Variants in TCF7L1 observed in about 807,000 individuals in gnomAD.
TCF7L1 encodes the protein transcription factor 7-like 1.
A neutral mutation model predicts 63.7 loss-of-function variants in TCF7L1; 18 were observed. The observed-to-expected ratio is 0.28, with a 90% CI of 0.20 to 0.42. TCF7L1 has a LOEUF of 0.42. Ranked by LOEUF, TCF7L1 falls within the 10% of genes least tolerant of loss-of-function variation. The pLI is 1.00. For synonymous variants in TCF7L1, 355 were observed against 340.9 expected, an observed-to-expected ratio of 1.04 and a Z score of -0.46; for missense variants, 654 against 779.3, an observed-to-expected ratio of 0.84 and a Z score of 1.91.
chr2:85,140,597 G>T (rs1029247732), intron 3 of TCF7L1, among the ~76,000 whole-genome samples: 2 of 131,166 alleles, frequency 1.5e-5, no homozygotes, highest in Non-Finnish European at 3.2e-5. Flanking sequence ...TCAGGAGTTC[G>T]AGATCAGCCT....
Position 85,306,017 on chromosome 2 carries a change from T to C in TCF7L1, c.990-189T>C, listed in dbSNP as rs1682099904. Among the ~76,000 whole-genome samples the C allele has an allele frequency of 6.6e-6, 1 of 152,082 alleles. No homozygotes were observed. Among genetic ancestry groups the C allele is most frequent in the African/African-American group, 2.4e-5 (1 of 41,398 alleles). On this transcript the variant is annotated intron_variant, in intron 8 of 11. Coordinates refer to ENST00000282111, the MANE Select transcript of TCF7L1 (RefSeq NM_031283.3). The surrounding 1 kb of genome is among the most constrained non-coding windows in gnomAD (Gnocchi z 4.3). ...ATTTTCAAAGAATCTGGCGTGGAGA[T>C]CGTTCAAAGGTGGGAAACTACGGGA...
At chr2:85,270,125 C>A (rs1681114886) in intron 3 of TCF7L1, among the ~76,000 whole-genome samples, 1 of 152,212 alleles carries the variant, frequency 6.6e-6, no homozygotes, top group African/African-American at 2.4e-5. Context: ...CAGCTCCAGG[C>A]TGCCTGGCTG....
At chr2:85,177,386 G>A (rs1231557428) in intron 3 of TCF7L1, among the ~76,000 whole-genome samples, 2 of 152,174 alleles carry the variant, frequency 1.3e-5, no homozygotes, top group Non-Finnish European at 2.9e-5. Context: ...AAAATTTTAA[G>A]TATAAAGTCA....
chr2:85,163,770 C>T (rs1220264124), intron 3 of TCF7L1, among the ~76,000 whole-genome samples: 1 of 151,980 alleles, frequency 6.6e-6, no homozygotes, highest in Non-Finnish European at 1.5e-5. Flanking sequence ...CTCTCCTTGG[C>T]TTGTAGGGGG....
Position 85,134,728 on chromosome 2 carries a change from C to T in TCF7L1, c.441+278C>T, listed in dbSNP as rs182158829. Among the ~76,000 whole-genome samples the T allele has an allele frequency of 6.6e-6, 1 of 152,324 alleles. No individual in the cohort carries two copies. Among genetic ancestry groups the T allele is most frequent in the East Asian group, 1.9e-4 (1 of 5,174 alleles). ...GGCCTCCAGAATTCTTCGCCTGCACCGAAGGAAACTTGGATTTGTGCCCGC... is the reference window on the plus strand; with the variant it reads ...GGCCTCCAGAATTCTTCGCCTGCACTGAAGGAAACTTGGATTTGTGCCCGC... On this transcript the variant is annotated intron_variant, in intron 3 of 11. Coordinates refer to ENST00000282111, the MANE Select transcript of TCF7L1 (RefSeq NM_031283.3). This position sits in a 1 kb window ranked among gnomAD's most constrained non-coding sequence, Gnocchi z 5.0.
chr2:85,235,913 A>T (rs1476695139), intron 3 of TCF7L1, among the ~76,000 whole-genome samples: 1 of 152,144 alleles, frequency 6.6e-6, no homozygotes, highest in Non-Finnish European at 1.5e-5. Context: ...TAATCCCAGC[A>T]CTTTGAGAGG....
chr2:85,202,719 G>T (rs1282609808), intron 3 of TCF7L1, among the ~76,000 whole-genome samples: 1 of 152,162 alleles, frequency 6.6e-6, no homozygotes, highest in Non-Finnish European at 1.5e-5. Flanking sequence ...CAGGCCACGG[G>T]GCTTGGGAGC....
At chr2:85,209,084 G>A (rs761074898) in intron 3 of TCF7L1, among the ~76,000 whole-genome samples, 10 of 152,310 alleles carry the variant, frequency 6.6e-5, no homozygotes, top group Non-Finnish European at 1.5e-4. Flanking sequence ...TGGGACAGAC[G>A]AATGTTACAT....
At chr2:85,284,185 T>C (rs933940411) in intron 4 of TCF7L1, among the ~76,000 whole-genome samples, 29 of 152,098 alleles carry the variant, frequency 1.9e-4, no homozygotes, top group African/African-American at 6.8e-4. Flanking sequence ...TAATTTTTGG[T>C]ATTTTTAGTA....
chr2:85,215,933 C>T (rs945312315), intron 3 of TCF7L1, among the ~76,000 whole-genome samples: 2 of 152,144 alleles, frequency 1.3e-5, no homozygotes, highest in East Asian at 1.9e-4. Context: ...ATCCGATACT[C>T]ATAACAGAAA....
At chr2:85,291,039 C>A (rs1299241818) in intron 4 of TCF7L1, among the ~76,000 whole-genome samples, 1 of 152,222 alleles carries the variant, frequency 6.6e-6, no homozygotes, top group Non-Finnish European at 1.5e-5. Flanking sequence ...AGAAGTCTGA[C>A]AGCCTTCCTT....
At chr2:85,252,811 A>T (rs1254473317) in intron 3 of TCF7L1, among the ~76,000 whole-genome samples, 2 of 152,210 alleles carry the variant, frequency 1.3e-5, no homozygotes, top group African/African-American at 4.8e-5. Context: ...TCTGAGCATT[A>T]GTCCTCCCTT....
chr2:85,180,863 A>G (rs1678790118), intron 3 of TCF7L1, among the ~76,000 whole-genome samples: 1 of 152,210 alleles, frequency 6.6e-6, no homozygotes, highest in East Asian at 1.9e-4. Flanking sequence ...CGAGCATCTC[A>G]CAGCCAGCAA....
intron 3 of TCF7L1, among the ~76,000 whole-genome samples, chr2:85,222,993 G>A (rs1424365824): frequency 6.6e-6 from 1 of 152,084 alleles, no homozygotes; most frequent in African/African-American, 2.4e-5. Flanking sequence ...AATGGAGACG[G>A]GCCATGAGCT....
At chr2:85,254,982 G>C (rs995002801) in intron 3 of TCF7L1, among the ~76,000 whole-genome samples, 1 of 152,228 alleles carries the variant, frequency 6.6e-6, no homozygotes, top group Non-Finnish European at 1.5e-5. Context: ...GCAACTGGCT[G>C]TCTTGAGAGG....
At chr2:85,200,713 G>A (rs1314775618) in intron 3 of TCF7L1, among the ~76,000 whole-genome samples, 2 of 152,154 alleles carry the variant, frequency 1.3e-5, no homozygotes, top group East Asian at 1.9e-4. Flanking sequence ...CACTAAACAC[G>A]ATGAAAACTA....
At chr2:85,262,003 A>G in intron 3 of TCF7L1, 1 of 508,626 alleles carries the variant, frequency 2.0e-6, no homozygotes, top group East Asian at 5.2e-5. Flanking sequence ...AACAAACTGT[A>G]TCCTTCTCAA....
At chr2:85,218,807 G>A (rs1244408287) in intron 3 of TCF7L1, among the ~76,000 whole-genome samples, 1 of 152,094 alleles carries the variant, frequency 6.6e-6, no homozygotes, top group Non-Finnish European at 1.5e-5. Flanking sequence ...CATCTAGGCA[G>A]GGGAAAATAT....
intron 3 of TCF7L1, among the ~76,000 whole-genome samples, chr2:85,276,412 C>A (rs898423570): frequency 2.0e-5 from 3 of 152,130 alleles, no homozygotes; most frequent in Non-Finnish European, 2.9e-5. Context: ...TCCTGTGTGG[C>A]GGCTTCCCAC....
Sources: gnomAD v4.1 joint callset for allele counts (sites outside exome capture counted in the v4.1 genomes callset) on GRCh38, gnomAD v4.1.1 for gene constraint, Gnocchi (gnomAD v3.1) non-coding constraint, MANE v1.5 for transcripts, NCBI Gene and HGNC (gene_info 2026-07-23, HGNC 2026-07-21) for gene names.